Variants in STK32B observed in about 807,000 individuals in gnomAD.
The protein encoded by STK32B is serine/threonine-protein kinase 32B.
STK32B carries 43 observed loss-of-function variants against 52.6 expected under a neutral mutation model. The observed-to-expected ratio is 0.82, with a 90% CI of 0.64 to 1.05. The LOEUF is 1.05. Among genes scored for constraint, STK32B ranks in the 50% least tolerant of loss-of-function variants. The probability of loss-of-function intolerance (pLI) is 0.00; values close to 1 mark genes in which losing one functional copy is unlikely to be tolerated. For synonymous variants in STK32B, 238 were observed against 204.3 expected, an observed-to-expected ratio of 1.17 and a Z score of -1.41; for missense variants, 621 against 534.6, an observed-to-expected ratio of 1.16 and a Z score of -1.59.
intron 6 of STK32B, among the ~76,000 whole-genome samples, chr4:5,419,751 A>G (rs1577471885): frequency 6.6e-6 from 1 of 152,200 alleles, no homozygotes. Context: ...AAATGCATCC[A>G]TGAGTTTTTG....
intron 2 of STK32B, among the ~76,000 whole-genome samples, chr4:5,163,318 G>A (rs971834815): frequency 4.6e-5 from 7 of 152,166 alleles, no homozygotes; most frequent in Admixed American, 2.0e-4. Flanking sequence ...AGATAAAAAC[G>A]GGGATTTATA....
chr4:5,159,812 T>TATATATATGAATATATGAATGTATATGAA (rs1553840576), intron 2 of STK32B, among the ~76,000 whole-genome samples: 5 of 149,352 alleles, frequency 3.3e-5, no homozygotes, highest in African/African-American at 4.9e-5. Flanking sequence ...TATATATATG[T>TATATATATGAATATATGAATGTATATGAA]TATTGGAGTT....
Position 5,175,754 on chromosome 4 carries a change from C to A in STK32B, c.260+7304C>A, listed in dbSNP as rs532389195. On this transcript the variant is annotated intron_variant, in intron 3 of 11. Transcript: ENST00000282908. ...AGTTAGGCTACTTGGGGATCAGGGA[C>A]CCACTTGAGGAGGCCGTCTGCCTGT... 4.6e-4 allele frequency among the ~76,000 whole-genome samples: 70 copies of A among 152,356 alleles called. No homozygotes were observed. In the South Asian group the frequency reaches 0.014, roughly 30 times the overall value.
intron 3 of STK32B, among the ~76,000 whole-genome samples, chr4:5,253,247 A>C (rs1171558228): frequency 6.6e-6 from 1 of 152,164 alleles, no homozygotes; most frequent in South Asian, 2.1e-4. Flanking sequence ...GCTTGAAGAA[A>C]GCCTACCTGG....
chr4:5,408,243 G>T (rs1297027207), intron 5 of STK32B, among the ~76,000 whole-genome samples: 1 of 152,158 alleles, frequency 6.6e-6, no homozygotes, highest in Non-Finnish European at 1.5e-5. Flanking sequence ...CAAATCTCAT[G>T]TCAAATGGTA....
At chr4:5,151,602 A>G (rs983835299) in intron 2 of STK32B, among the ~76,000 whole-genome samples, 3 of 152,254 alleles carry the variant, frequency 2.0e-5, no homozygotes, top group African/African-American at 7.2e-5. Context: ...ATTTTTAGCA[A>G]TAATTTACTC....
At chr4:5,077,973 A>G (rs2108772701) in intron 1 of STK32B, among the ~76,000 whole-genome samples, 1 of 152,276 alleles carries the variant, frequency 6.6e-6, no homozygotes, top group Non-Finnish European at 1.5e-5. Context: ...ATGTCATTGA[A>G]AACCCTGGTT....
chr4:5,209,268 C>T (rs1321598021), intron 3 of STK32B, among the ~76,000 whole-genome samples: 1 of 152,146 alleles, frequency 6.6e-6, no homozygotes, highest in Non-Finnish European at 1.5e-5. Flanking sequence ...GTCACCTGTG[C>T]TGGAGTGCAG....
intron 3 of STK32B, among the ~76,000 whole-genome samples, chr4:5,242,402 T>A (rs1725101318): frequency 6.6e-6 from 1 of 152,236 alleles, no homozygotes; most frequent in Admixed American, 6.5e-5. Context: ...TTCATATCCT[T>A]TGCCCACTTT....
chr4:5,196,884 G>A (rs1455106043), intron 3 of STK32B, among the ~76,000 whole-genome samples: 1 of 152,164 alleles, frequency 6.6e-6, no homozygotes, highest in Non-Finnish European at 1.5e-5. Flanking sequence ...GACAGCTGCA[G>A]CATTGCTGTT....
intron 3 of STK32B, among the ~76,000 whole-genome samples, chr4:5,327,369 C>G (rs925738496): frequency 3.3e-5 from 5 of 151,014 alleles, no homozygotes; most frequent in Non-Finnish European, 5.9e-5. Context: ...CCAGATCCAT[C>G]AAAGCAATCA....
intron 1 of STK32B, among the ~76,000 whole-genome samples, chr4:5,127,804 G>A (rs1405428685): frequency 6.6e-6 from 1 of 152,174 alleles, no homozygotes. Flanking sequence ...TACTTCCCAC[G>A]TGTCGTGGTA....
Position 5,470,079 on chromosome 4 carries a change from T to C in STK32B, c.1106+2009T>C, listed in dbSNP as rs1717737537. Among the ~76,000 whole-genome samples, 1 of 152,222 alleles carries C rather than the reference T, an allele frequency of 6.6e-6. No homozygotes were observed. The highest frequency in any genetic ancestry group is 2.4e-5 in the African/African-American group (1 of 41,450). On this transcript the variant is annotated intron_variant, in intron 11 of 11. Transcript: ENST00000282908. The surrounding 1 kb of genome is among the most constrained non-coding windows in gnomAD (Gnocchi z 4.6). ...ACAGCAATCTCATTTCACCTTTTGC[T>C]GTGTGCCAGAACATGCTTCAATTTG...
At chr4:5,191,112 C>G (rs941154696) in intron 3 of STK32B, among the ~76,000 whole-genome samples, 9 of 152,150 alleles carry the variant, frequency 5.9e-5, no homozygotes, top group Non-Finnish European at 8.8e-5. Context: ...TCTGTTTTCT[C>G]TGCTGTGAAG....
intron 1 of STK32B, among the ~76,000 whole-genome samples, chr4:5,136,143 G>A (rs1488129034): frequency 6.6e-6 from 1 of 152,156 alleles, no homozygotes; most frequent in Non-Finnish European, 1.5e-5. Context: ...TCATTGCCTG[G>A]GGCTGGCCAC....
chr4:5,483,846 C>T (rs913316854), intron 11 of STK32B, among the ~76,000 whole-genome samples: 1 of 152,092 alleles, frequency 6.6e-6, no homozygotes, highest in Non-Finnish European at 1.5e-5. Context: ...TCGTTGTGTA[C>T]CCAGCAGTCA....
At chr4:5,325,578 C>G (rs1354442361) in intron 3 of STK32B, among the ~76,000 whole-genome samples, 1 of 152,072 alleles carries the variant, frequency 6.6e-6, no homozygotes, top group Non-Finnish European at 1.5e-5. Flanking sequence ...CACCTGAATC[C>G]TTTCTGGAAC....
At chr4:5,143,893 CCA>C (rs915739330) in intron 2 of STK32B, among the ~76,000 whole-genome samples, 1 of 152,110 alleles carries the variant, frequency 6.6e-6, no homozygotes, top group African/African-American at 2.4e-5. Context: ...TTTTGAATGC[CCA>C]CTCCAGCCTC....
chr4:5,041,379 C>A, the STK32B span, among the ~76,000 whole-genome samples: 1 of 152,176 alleles, frequency 6.6e-6, no homozygotes, highest in African/African-American at 2.4e-5. Context: ...ACAGATGTTG[C>A]GTTTGGCAGC....
Sources: gnomAD v4.1 joint callset for allele counts (sites outside exome capture counted in the v4.1 genomes callset) on GRCh38, gnomAD v4.1.1 for gene constraint, Gnocchi (gnomAD v3.1) non-coding constraint, MANE v1.5 for transcripts, NCBI Gene and HGNC (gene_info 2026-07-23, HGNC 2026-07-21) for gene names.